Variants in NRBF2 observed in about 807,000 individuals in gnomAD.
NRBF2 encodes nuclear receptor binding factor 2, also known as nuclear receptor-binding factor 2.
NRBF2 carries 12 observed loss-of-function variants against 28.5 expected under a neutral mutation model. That is an observed-to-expected ratio of 0.42 (90% CI 0.27 to 0.68). The LOEUF (loss-of-function observed/expected upper bound fraction) is 0.68. NRBF2 is among the 30% of genes least tolerant of loss of function. The pLI is 0.24. For missense variants in NRBF2, 274 were observed against 333.5 expected, an observed-to-expected ratio of 0.82 and a Z score of 1.39; for synonymous variants, 102 against 116.5, an observed-to-expected ratio of 0.88 and a Z score of 0.80.
At chr10:63,136,297 A>G (rs1009740796) in intron 1 of NRBF2, among the ~76,000 whole-genome samples, 4 of 152,072 alleles carry the variant, frequency 2.6e-5, no homozygotes, top group African/African-American at 7.2e-5. Flanking sequence ...CTGCCCGGCT[A>G]TGAAAATTCT....
intron 1 of NRBF2, among the ~76,000 whole-genome samples, chr10:63,143,871 GCCT>G (rs1183126842): frequency 1.3e-5 from 2 of 150,890 alleles, no homozygotes; most frequent in African/African-American, 4.9e-5. Flanking sequence ...TCCTACCTCA[GCCT>G]CCTCAGTAGC....
intron 1 of NRBF2, among the ~76,000 whole-genome samples, chr10:63,142,539 T>C (rs914051370): frequency 1.7e-4 from 26 of 152,046 alleles, no homozygotes; most frequent in Non-Finnish European, 1.5e-4. Flanking sequence ...GCTTATTGAT[T>C]TAATACCACT....
chr10:63,139,338 A>G (rs923215439), intron 1 of NRBF2, among the ~76,000 whole-genome samples: 4 of 152,090 alleles, frequency 2.6e-5, no homozygotes, highest in African/African-American at 7.2e-5. Flanking sequence ...TTTCATCTTT[A>G]CTTAACAGCT....
intron 2 of NRBF2, among the ~76,000 whole-genome samples, chr10:63,148,828 T>C (rs937095877): frequency 1.3e-5 from 2 of 152,210 alleles, no homozygotes; most frequent in African/African-American, 4.8e-5. Flanking sequence ...TAAGTGAATT[T>C]CTCTTCTTTC....
chr10:63,139,448 G>A (rs1264148731), intron 1 of NRBF2, among the ~76,000 whole-genome samples: 3 of 152,244 alleles, frequency 2.0e-5, no homozygotes, highest in Non-Finnish European at 2.9e-5. Flanking sequence ...TTAGCATGTG[G>A]AAGTAAAAGG....
chr10:63,146,371 A>G, intron 2 of NRBF2, 78 bp downstream of exon 2: 1 of 994,600 alleles, frequency 1.0e-6, no homozygotes, highest in South Asian at 1.5e-5. Flanking sequence ...GTTGCTTTTC[A>G]TATGCAAGAC....
chr10:63,140,086 C>T (rs890284880), intron 1 of NRBF2, among the ~76,000 whole-genome samples: 4 of 151,876 alleles, frequency 2.6e-5, no homozygotes, highest in Admixed American at 1.3e-4. Context: ...TGCAGTGAGC[C>T]GTTATCATGC....
At chr10:63,148,819 A>G (rs1841602960) in intron 2 of NRBF2, among the ~76,000 whole-genome samples, 1 of 152,228 alleles carries the variant, frequency 6.6e-6, no homozygotes, top group Non-Finnish European at 1.5e-5. Context: ...GCACATCCCT[A>G]AGTGAATTTC....
At chr10:63,143,829 T>TGC (rs1841515190) in intron 1 of NRBF2, among the ~76,000 whole-genome samples, 1 of 150,148 alleles carries the variant, frequency 6.7e-6, no homozygotes. Context: ...CACAGGTCAC[T>TGC]GCAGCCTCCA....
At chr10:63,146,045 G>A (rs1217151844) in intron 1 of NRBF2, among the ~76,000 whole-genome samples, 164 bp from the exon 2 acceptor site, 1 of 152,322 alleles carries the variant, frequency 6.6e-6, no homozygotes, top group South Asian at 2.1e-4. Context: ...TGCAGTTCTA[G>A]GCTCTACCCA....
intron 1 of NRBF2, among the ~76,000 whole-genome samples, chr10:63,141,693 G>A (rs1841471397): frequency 6.6e-6 from 1 of 152,214 alleles, no homozygotes; most frequent in Non-Finnish European, 1.5e-5. Context: ...TTTTAGAGAT[G>A]AGAAAACTGA....
In NRBF2 at chr10:63,133,490, C is replaced by T. The variant is rs767129670; in HGVS notation, c.20C>T (p.Pro7Leu). Residue 7 changes from proline (P) to leucine (L), a missense_variant, in exon 1 of 4, where the codon CCC (proline) becomes CTC (leucine). Transcript: ENST00000277746. The stretch of plus-strand genomic sequence containing the variant: ...GGGTCTATGGAAGTAATGGAAGGAC[C>T]CCTCAACCTGGTGAGTGTCCCACAG... MEVMEG[P>L]LNLAHQQSRR... 30 of 1,610,604 alleles carry T rather than the reference C, an allele frequency of 1.9e-5. No individual in the cohort carries two copies. Among genetic ancestry groups the T allele is most frequent in the Non-Finnish European group, 2.4e-5 (28 of 1,177,840 alleles).
intron 1 of NRBF2, among the ~76,000 whole-genome samples, chr10:63,144,920 A>T (rs1841535651): frequency 1.3e-5 from 2 of 152,150 alleles, no homozygotes; most frequent in South Asian, 4.2e-4. Context: ...TACTGAGGAA[A>T]ATCGTTACAT....
At chr10:63,135,887 C>T (rs767675388) in intron 1 of NRBF2, among the ~76,000 whole-genome samples, 27 of 152,066 alleles carry the variant, frequency 1.8e-4, no homozygotes, top group Non-Finnish European at 3.1e-4. Context: ...CCTCGTGATC[C>T]CCCCGCCTGG....
chr10:63,145,578 A>G (rs960302534), intron 1 of NRBF2, among the ~76,000 whole-genome samples: 1 of 152,172 alleles, frequency 6.6e-6, no homozygotes, highest in Admixed American at 6.6e-5. Flanking sequence ...TTTTCCTTCA[A>G]TTACATTATT....
At chr10:63,139,442 C>T (rs910544306) in intron 1 of NRBF2, among the ~76,000 whole-genome samples, 1 of 152,152 alleles carries the variant, frequency 6.6e-6, no homozygotes, top group Non-Finnish European at 1.5e-5. Context: ...AAGCAGTTAG[C>T]ATGTGGAAGT....
Position 63,140,516 on chromosome 10 carries a change from T to G in NRBF2, c.31-5693T>G, listed in dbSNP as rs190194973. Among the ~76,000 whole-genome samples, 88 of 151,856 alleles carry G rather than the reference T, an allele frequency of 5.8e-4. 2 individuals carry two copies. The East Asian group carries it at 0.016, about 28-fold the overall frequency. On this transcript the variant is annotated intron_variant, in intron 1 of 3. Coordinates refer to ENST00000277746, the MANE Select transcript of NRBF2 (RefSeq NM_030759.5). The stretch of plus-strand genomic sequence containing the variant: ...CACCGTAGCCTCAACCTCCTGAGCT[T>G]CTGATCCTCCTACCAGTCCCTCCTG...
At chr10:63,133,580 A>T in intron 1 of NRBF2, 80 bp downstream of exon 1, 1 of 1,099,898 alleles carries the variant, frequency 9.1e-7, no homozygotes, top group Non-Finnish European at 1.4e-6. Flanking sequence ...CGCGTCGGCT[A>T]ACCCTTTAGG....
At chr10:63,150,044 C>T (rs1185808823) in intron 2 of NRBF2, among the ~76,000 whole-genome samples, 2 of 150,780 alleles carry the variant, frequency 1.3e-5, no homozygotes, top group African/African-American at 2.4e-5. Context: ...TGGGTTCAAG[C>T]GATTCTCCTG....
Sources: gnomAD v4.1 joint callset for allele counts (sites outside exome capture counted in the v4.1 genomes callset) on GRCh38, gnomAD v4.1.1 for gene constraint, MANE v1.5 for transcripts, NCBI Gene and HGNC (gene_info 2026-07-23, HGNC 2026-07-21) for gene names.